The following EDIL3 variants were observed in gnomAD, a reference collection of about 807,000 sequenced individuals.
EDIL3 encodes the protein EGF-like repeat and discoidin I-like domain-containing protein 3.
EDIL3 carries 37 observed loss-of-function variants against 67.4 expected under a neutral mutation model. The observed-to-expected ratio is 0.55, with a 90% confidence interval of 0.42 to 0.72. The LOEUF is 0.72. Ranked by LOEUF, EDIL3 falls within the 30% of genes least tolerant of loss-of-function variation. EDIL3 has a pLI of 0.00. For synonymous variants in EDIL3, 195 were observed against 196.3 expected, an observed-to-expected ratio of 0.99 and a Z score of 0.05; for missense variants, 527 against 586.3, an observed-to-expected ratio of 0.90 and a Z score of 1.04.
chr5:84,182,539 A>G (rs771523951), intron 3 of EDIL3, among the ~76,000 whole-genome samples: 62 of 152,240 alleles, frequency 4.1e-4, no homozygotes, highest in Non-Finnish European at 4.3e-4. Context: ...AAGCACTGCA[A>G]TCGGACCTCA....
At position 84,061,938 on chromosome 5, in the gene EDIL3, T is replaced by A. The variant is rs149825401; in HGVS notation, c.953-1454A>T. Among the ~76,000 whole-genome samples the A allele has an allele frequency of 1.6e-3, 247 of 152,220 alleles. 2 individuals are homozygous for A. The highest frequency in any genetic ancestry group is 5.7e-3 in the African/African-American group (235 of 41,554). ...AGAACTCTTCATTGATCAATAACTC[T>A]TAGCTATAACTAATTGCCTTCTGTC... is the stretch of plus-strand genomic sequence containing the variant. On this transcript the variant is annotated intron_variant, in intron 8 of 10. Coordinates refer to ENST00000296591, the MANE Select transcript of EDIL3 (RefSeq NM_005711.5).
At chr5:84,205,433 C>T (rs112523914) in intron 3 of EDIL3, among the ~76,000 whole-genome samples, 1,603 of 152,142 alleles carry the variant, frequency 0.011, 33 homozygotes, top group African/African-American at 0.036. Flanking sequence ...TCTTTATCTC[C>T]GTGACAGAAG....
chr5:84,379,561 A>G (rs900819095), intron 1 of EDIL3, among the ~76,000 whole-genome samples: 1 of 152,180 alleles, frequency 6.6e-6, no homozygotes, highest in Non-Finnish European at 1.5e-5. Flanking sequence ...CTTATAGTTC[A>G]TATGAAGAAT....
intron 1 of EDIL3, among the ~76,000 whole-genome samples, chr5:84,264,229 G>A (rs896027480): frequency 6.6e-5 from 10 of 152,178 alleles, no homozygotes; most frequent in Admixed American, 2.6e-4. Context: ...CTGGGCGGCA[G>A]AGCCAGACTA....
chr5:84,195,664 T>C (rs572587575), intron 3 of EDIL3, among the ~76,000 whole-genome samples: 1 of 152,078 alleles, frequency 6.6e-6, no homozygotes, highest in South Asian at 2.1e-4. Flanking sequence ...TAACAGGAGA[T>C]TGGCAAGCAG....
chr5:84,025,131 CT>C (rs1376120243), intron 9 of EDIL3, among the ~76,000 whole-genome samples: 1 of 152,110 alleles, frequency 6.6e-6, no homozygotes, highest in African/African-American at 2.4e-5. Context: ...AAGGACTTGA[CT>C]TGCTGCAGTG....
chr5:83,989,754 A>T (rs1745117297), intron 9 of EDIL3, among the ~76,000 whole-genome samples: 1 of 152,132 alleles, frequency 6.6e-6, no homozygotes, highest in South Asian at 2.1e-4. Flanking sequence ...TTTGCTTCTA[A>T]CCAACAGGGA....
intron 4 of EDIL3, among the ~76,000 whole-genome samples, chr5:84,167,050 C>A (rs1295699037): frequency 6.6e-6 from 1 of 151,990 alleles, no homozygotes; most frequent in Non-Finnish European, 1.5e-5. Context: ...AACTATGAAA[C>A]CATGGGAGAT....
At chr5:84,049,548 T>C (rs1167809360) in intron 9 of EDIL3, among the ~76,000 whole-genome samples, 1 of 152,236 alleles carries the variant, frequency 6.6e-6, no homozygotes, top group African/African-American at 2.4e-5. Flanking sequence ...TACTTTATTT[T>C]TATAACAAAG....
chr5:83,953,621 G>A (rs1744457104), intron 10 of EDIL3, among the ~76,000 whole-genome samples: 1 of 151,638 alleles, frequency 6.6e-6, no homozygotes, highest in South Asian at 2.1e-4. Context: ...AACTTTACTG[G>A]AAATGAGGAA....
chr5:84,017,910 T>G (rs185573333), intron 9 of EDIL3, among the ~76,000 whole-genome samples: 119 of 152,318 alleles, frequency 7.8e-4, no homozygotes, highest in African/African-American at 2.8e-3. Flanking sequence ...GATCATAAAT[T>G]GTGTCACTTC....
At chr5:84,366,372 T>C (rs1002136934) in intron 1 of EDIL3, among the ~76,000 whole-genome samples, 3 of 152,126 alleles carry the variant, frequency 2.0e-5, no homozygotes, top group African/African-American at 7.2e-5. Flanking sequence ...AGTCAGGCTC[T>C]ATTATTATCC....
intron 3 of EDIL3, among the ~76,000 whole-genome samples, chr5:84,205,160 C>G (rs1743940429): frequency 6.6e-6 from 1 of 151,802 alleles, no homozygotes. Flanking sequence ...AACTGATCCT[C>G]CCGCCTAGGC....
intron 5 of EDIL3, among the ~76,000 whole-genome samples, chr5:84,134,314 G>T (rs1450968302): frequency 6.6e-6 from 1 of 152,190 alleles, no homozygotes; most frequent in South Asian, 2.1e-4. Flanking sequence ...TCATTTAATT[G>T]TATTGGCAAA....
At chr5:84,079,794 A>T (rs996812756) in intron 6 of EDIL3, among the ~76,000 whole-genome samples, 4 of 152,106 alleles carry the variant, frequency 2.6e-5, no homozygotes, top group African/African-American at 7.2e-5. Context: ...GACAAGCATG[A>T]TCACCTAAAG....
At position 84,384,451 on chromosome 5, in the gene EDIL3, G is replaced by GGCA; in HGVS notation, c.-80_-78dup. 2 of 1,432,702 alleles carry GGCA rather than the reference G, an allele frequency of 1.4e-6. No individual in the cohort carries two copies. The highest frequency in any genetic ancestry group is 9.8e-7 in the Non-Finnish European group (1 of 1,024,070). 88.7% of individuals were successfully genotyped at this position (1,432,702 alleles called of 1,614,324 possible). The stretch of plus-strand genomic sequence containing the variant: ...CAGTGTAGCCGAGGTGGCAGCGCAG[G>GGCA]GCAGCAGCAGACTCCGCCCCTACTA... On this transcript the variant is annotated 5_prime_UTR_variant, in exon 1 of 11. Transcript: ENST00000296591.
chr5:84,163,083 T>A (rs375857840), intron 4 of EDIL3, among the ~76,000 whole-genome samples: 10 of 152,256 alleles, frequency 6.6e-5, no homozygotes, highest in Admixed American at 2.0e-4. Flanking sequence ...TTGAGCTTTG[T>A]ATTTGAGAAA....
intron 9 of EDIL3, among the ~76,000 whole-genome samples, chr5:84,040,886 C>G (rs1746107551): frequency 6.6e-6 from 1 of 152,168 alleles, no homozygotes; most frequent in Admixed American, 6.5e-5. Context: ...AATCCCAACA[C>G]TTTGGGAGGC....
intron 9 of EDIL3, among the ~76,000 whole-genome samples, chr5:83,999,420 A>G (rs7443666): frequency 6.6e-6 from 1 of 152,184 alleles, no homozygotes; most frequent in Admixed American, 6.5e-5. Flanking sequence ...GAAGGAATTC[A>G]GAATCTTATC....
Sources: gnomAD v4.1 joint callset for allele counts (sites outside exome capture counted in the v4.1 genomes callset) on GRCh38, gnomAD v4.1.1 for gene constraint, MANE v1.5 for transcripts, NCBI Gene and HGNC (gene_info 2026-07-23, HGNC 2026-07-21) for gene names.